The following MICAL2 variants were observed in gnomAD, a reference collection of about 807,000 sequenced individuals.
MICAL2 encodes the protein microtubule associated monooxygenase, calponin and LIM domain containing 2.
A neutral mutation model predicts 127.3 loss-of-function variants in MICAL2; 77 were observed. That is an observed-to-expected ratio of 0.60 (90% CI 0.50 to 0.73). MICAL2 has a LOEUF of 0.73. Among genes scored for constraint, MICAL2 ranks in the 30% least tolerant of loss-of-function variants. The pLI is 0.00. For synonymous variants in MICAL2, 570 were observed against 551.1 expected (o/e 1.03, Z -0.48); for missense variants, 1,351 against 1,434.4 (o/e 0.94, Z 0.94).
intron 24 of MICAL2, among the ~76,000 whole-genome samples, 183 bp from the exon 25 acceptor site, chr11:12,258,285 C>A (rs1862604387): frequency 6.6e-6 from 1 of 152,204 alleles, no homozygotes; most frequent in South Asian, 2.1e-4. Context: ...GCCCTCCTAC[C>A]TTATCTCAGT....
At chr11:12,162,803 C>T (rs116375126) in intron 3 of MICAL2, among the ~76,000 whole-genome samples, 1 of 152,306 alleles carries the variant, frequency 6.6e-6, no homozygotes, top group African/African-American at 2.4e-5. Flanking sequence ...GTCCTTCAGG[C>T]CATTTTAGAG....
chr11:12,131,742 A>T (rs1346131782), intron 1 of MICAL2, among the ~76,000 whole-genome samples: 2 of 152,064 alleles, frequency 1.3e-5, no homozygotes, highest in African/African-American at 4.8e-5. Context: ...GAGGCTGGGT[A>T]TGTCCTAGCT....
chr11:12,137,585 TAGAG>T (rs762225966), intron 1 of MICAL2, among the ~76,000 whole-genome samples: 6 of 151,558 alleles, frequency 4.0e-5, no homozygotes, highest in African/African-American at 1.5e-4. Flanking sequence ...CTTTGTGTGC[TAGAG>T]AGAGAGAGTG....
intron 20 of MICAL2, among the ~76,000 whole-genome samples, chr11:12,243,702 T>C (rs1204927635): frequency 1.3e-5 from 2 of 152,190 alleles, no homozygotes; most frequent in Non-Finnish European, 2.9e-5. Flanking sequence ...GCTTTGGTAA[T>C]TGGCATCGGT....
chr11:12,188,688 T>C (rs969221148), intron 3 of MICAL2, among the ~76,000 whole-genome samples: 1 of 152,148 alleles, frequency 6.6e-6, no homozygotes, highest in Non-Finnish European at 1.5e-5. Context: ...AAGAGCATAA[T>C]GGCCAGAGTC....
intron 8 of MICAL2, among the ~76,000 whole-genome samples, chr11:12,219,563 T>C (rs1221540229): frequency 6.9e-6 from 1 of 144,382 alleles, no homozygotes; most frequent in Non-Finnish European, 1.5e-5. Context: ...AAAGCTACGC[T>C]GTGAGAGCCC....
At chr11:12,337,972 G>A (rs542607781) in intron 32 of MICAL2, among the ~76,000 whole-genome samples, 13 of 152,246 alleles carry the variant, frequency 8.5e-5, no homozygotes, top group African/African-American at 2.6e-4. Context: ...TAGTAGGTCC[G>A]CTTGGTGCAG....
rs1318317062 is a variant in MICAL2 at position 12,224,715 on chromosome 11, A to G, written c.1583A>G (p.Gln528Arg). Reference sequence around the variant, plus strand: ...AGCAAGCTCCTGACCTGGTGCCAGCAGCAGACAGAGGGCTACCAGCATGTC... The same window carrying G: ...AGCAAGCTCCTGACCTGGTGCCAGCGGCAGACAGAGGGCTACCAGCATGTC... The part of the protein sequence containing the change: ...RPSKLLTWCQ[Q>R]QTEGYQHVNV... Residue 528 changes from glutamine to arginine, a missense_variant, in exon 13 of 28, where the codon CAG becomes CGG. Transcript: ENST00000683283. 2 of 1,614,098 alleles carry G rather than the reference A, an allele frequency of 1.2e-6. No homozygotes were observed. The highest frequency in any genetic ancestry group is 1.7e-6 in the Non-Finnish European group (2 of 1,180,040).
chr11:12,229,348 G>A (rs1325287746), intron 15 of MICAL2, among the ~76,000 whole-genome samples: 2 of 152,198 alleles, frequency 1.3e-5, no homozygotes, highest in African/African-American at 2.4e-5. Flanking sequence ...CTCCCACTCT[G>A]AGCCGGCCCA....
intron 29 of MICAL2, among the ~76,000 whole-genome samples, chr11:12,301,867 G>C (rs1178002553): frequency 1.3e-5 from 2 of 152,140 alleles, no homozygotes; most frequent in African/African-American, 2.4e-5. Context: ...TGGCTTATCA[G>C]GTCCTTGAGA....
chr11:12,344,295 C>CA (rs1462961047), intron 32 of MICAL2, among the ~76,000 whole-genome samples: 2 of 151,196 alleles, frequency 1.3e-5, no homozygotes, highest in African/African-American at 4.9e-5. Context: ...GATTCGGTCT[C>CA]AAAAAAACAA....
chr11:12,261,008 T>C (rs1013441922), intron 26 of MICAL2: 1 of 985,558 alleles, frequency 1.0e-6, no homozygotes, highest in East Asian at 1.1e-4. Context: ...GATGGCATTT[T>C]AGCCCCTGTG....
At position 12,270,162 on chromosome 11, in the gene MICAL2, A is replaced by G. The variant is rs920391502; in HGVS notation, c.3335-5824A>G. Among the ~76,000 whole-genome samples the G allele has an allele frequency of 1.3e-5, 2 of 152,290 alleles. 1 individual carries two copies. Among genetic ancestry groups the G allele is most frequent in the South Asian group, 4.1e-4 (2 of 4,832 alleles). On this transcript the variant is annotated intron_variant, in intron 24 of 34. Coordinates refer to the MICAL2 transcript ENST00000646065. Reference sequence around the variant, plus strand: ...GGTAGAAGGACTGCCTGCCACAAGCATCTTCCTAGGGCCCTCCCTCATCCT... The same window carrying G: ...GGTAGAAGGACTGCCTGCCACAAGCGTCTTCCTAGGGCCCTCCCTCATCCT...
At chr11:12,203,487 A>T (rs2134120514) in intron 3 of MICAL2, among the ~76,000 whole-genome samples, 1 of 152,256 alleles carries the variant, frequency 6.6e-6, no homozygotes, top group Middle Eastern at 3.4e-3. Context: ...CTGTGGCTTT[A>T]ATTTGTGTTT....
chr11:12,192,055 G>T (rs1366333194), intron 3 of MICAL2, among the ~76,000 whole-genome samples: 5 of 56,718 alleles, frequency 8.8e-5, no homozygotes, highest in African/African-American at 2.6e-4. Context: ...CCCCACCCCC[G>T]CCCGCCACCC....
chr11:12,216,842 C>T (rs1260582897), intron 8 of MICAL2, among the ~76,000 whole-genome samples: 3 of 152,182 alleles, frequency 2.0e-5, no homozygotes, highest in African/African-American at 7.2e-5. Flanking sequence ...GTCTTCTTAT[C>T]TACAAAATAG....
chr11:12,169,988 G>A (rs989239714), intron 3 of MICAL2, among the ~76,000 whole-genome samples: 8 of 152,162 alleles, frequency 5.3e-5, no homozygotes, highest in African/African-American at 1.4e-4. Context: ...GAGTCCTGCA[G>A]CCTGGACTAG....
At chr11:12,179,180 T>A (rs1006659922) in intron 3 of MICAL2, among the ~76,000 whole-genome samples, 3 of 152,178 alleles carry the variant, frequency 2.0e-5, no homozygotes, top group African/African-American at 7.2e-5. Flanking sequence ...GCCCAGCTCC[T>A]GCCTCACCAA....
chr11:12,192,393 C>T (rs1859307611), intron 3 of MICAL2, among the ~76,000 whole-genome samples: 1 of 152,198 alleles, frequency 6.6e-6, no homozygotes, highest in Admixed American at 6.5e-5. Flanking sequence ...CAGCCTTGAA[C>T]TGCTGGGATC....
Sources: allele counts gnomAD v4.1 joint callset (sites outside exome capture counted in the v4.1 genomes callset), GRCh38; gene constraint gnomAD v4.1.1; transcripts MANE v1.5; gene names NCBI Gene and HGNC (gene_info 2026-07-23, HGNC 2026-07-21).